The following ELP2 variants were observed in gnomAD, a reference collection of about 807,000 sequenced individuals.
ELP2 encodes elongator acetyltransferase complex subunit 2, also known as elongator complex protein 2.
In ELP2, 90 loss-of-function variants were observed where a neutral mutation model predicts 119.2. The ratio of observed to expected loss-of-function variants is 0.75; its 90% CI spans 0.64 to 0.90. The LOEUF (loss-of-function observed/expected upper bound fraction) is 0.90, where lower values mean the gene tolerates loss of function less well. Ranked by LOEUF, ELP2 falls within the 40% of genes least tolerant of loss-of-function variation. The pLI is 0.00. For missense variants in ELP2, 921 were observed against 967.8 expected (o/e 0.95, Z 0.64); for synonymous variants, 339 against 331.0 (o/e 1.02, Z -0.26).
intron 8 of ELP2, 115 bp downstream of exon 8, chr18:36,143,081 C>T: frequency 1.4e-6 from 1 of 735,520 alleles, no homozygotes; most frequent in Non-Finnish European, 2.2e-6. Flanking sequence ...CAGATTCCTA[C>T]CTGAAATTTC....
At chr18:36,168,254 T>G (rs1309019604) in intron 19 of ELP2, among the ~76,000 whole-genome samples, 3 of 152,220 alleles carry the variant, frequency 2.0e-5, no homozygotes, top group Admixed American at 1.3e-4. Flanking sequence ...TCTCAGACCC[T>G]CCCTTCTGTT....
At position 36,174,968 on chromosome 18, in the gene ELP2, C is replaced by T. The variant is rs888407469; in HGVS notation, c.*327C>T. ...TCGGCCTCCCAAAGTGCTGGGATTACAGGCGTGAGCCACTGCGCCCAGCCT... is the reference window on the plus strand; with the variant it reads ...TCGGCCTCCCAAAGTGCTGGGATTATAGGCGTGAGCCACTGCGCCCAGCCT... On this transcript the variant is annotated 3_prime_UTR_variant, in exon 22 of 22. Transcript: ENST00000358232. 1 of 321,286 alleles carries T rather than the reference C, an allele frequency of 3.1e-6. No individual in the cohort carries two copies. Among genetic ancestry groups the T allele is most frequent in the Non-Finnish European group, 6.0e-6 (1 of 167,260 alleles). The allele number at this position is 321,286 out of a possible 1,614,324, so 19.9% of individuals were successfully genotyped here.
At position 36,158,892 on chromosome 18, in the gene ELP2, G is replaced by A; in HGVS notation, c.1522G>A (p.Ala508Thr). ...CCCTGCATTGGGATTATCAAATAAA[G>A]CTGTCTTTCAGGGTAAGGCTTTTGT... ...TVPALGLSNK[A>T]VFQGDIASQP... Residue 508 changes from alanine to threonine, a missense_variant, in exon 14 of 22, where the codon GCT becomes ACT. By Grantham distance (58) the Ala-to-Thr change is moderately conservative. Transcript: ENST00000358232. 1 of 1,611,150 alleles carries A rather than the reference G, an allele frequency of 6.2e-7. No homozygotes were observed. The highest frequency in any genetic ancestry group is 8.5e-7 in the Non-Finnish European group (1 of 1,177,360).
chr18:36,165,656 C>T (rs939629082), intron 18 of ELP2, among the ~76,000 whole-genome samples: 3 of 152,074 alleles, frequency 2.0e-5, no homozygotes, highest in Non-Finnish European at 2.9e-5. Context: ...CCGAGGTGGG[C>T]GGATCACCTG....
chr18:36,136,222 T>G (rs1598738133), intron 2 of ELP2, 85 bp from the exon 3 acceptor site: 1 of 937,810 alleles, frequency 1.1e-6, no homozygotes, highest in Non-Finnish European at 1.8e-6. Flanking sequence ...GGTACAGGGG[T>G]ATTGTTTTTT....
intron 18 of ELP2, 90 bp downstream of exon 18, chr18:36,164,757 C>T: frequency 2.4e-6 from 3 of 1,267,690 alleles, no homozygotes; most frequent in Admixed American, 1.9e-5. Context: ...AGAAAGATAA[C>T]AGAGTGAAGG....
chr18:36,162,981 T>A (rs1481808766), intron 17 of ELP2, among the ~76,000 whole-genome samples: 1 of 152,198 alleles, frequency 6.6e-6, no homozygotes, highest in East Asian at 1.9e-4. Context: ...ATATTGTGTC[T>A]TGTTGAACTC....
rs754798447 is a variant in ELP2, at chr18:36,136,308, C to A, written c.219C>A (p.Ser73=). The change falls in exon 3 of 22, where the codon TCC becomes TCA. Residue 73 remains serine, a splice_region_variant and synonymous_variant. Coordinates refer to ENST00000358232, the MANE Select transcript of ELP2 (RefSeq NM_018255.4). ...CIQWICKQDG[S]PSTELVSGGS... is the part of the protein sequence containing the mutation. ...TTACTGAGATATAATTTTTTTCAGCCCCTTCTACTGAATTAGTTTCTGGAG... is the reference window on the plus strand; with the variant it reads ...TTACTGAGATATAATTTTTTTCAGCACCTTCTACTGAATTAGTTTCTGGAG... 3 of 1,608,472 alleles carry A rather than the reference C, an allele frequency of 1.9e-6. No homozygotes were observed. Among genetic ancestry groups the A allele is most frequent in the Non-Finnish European group, 2.6e-6 (3 of 1,175,306 alleles).
intron 2 of ELP2, among the ~76,000 whole-genome samples, chr18:36,135,081 A>G (rs1440503284): frequency 6.6e-6 from 1 of 152,208 alleles, no homozygotes. Flanking sequence ...ATAAAACATA[A>G]TTGCAATTAT....
In ELP2 at chr18:36,180,198, C is replaced by A. The variant is rs61738606; in HGVS notation, c.*5557C>A. On this transcript the variant is annotated 3_prime_UTR_variant, in exon 22 of 22. Coordinates refer to ENST00000358232, the MANE Select transcript of ELP2 (RefSeq NM_018255.4). ...GCCATGGTCTTTGCGTTCCAGCCAG[C>A]AAAGAGGAAGAAGGCATGAAGAAAG... 0.069 allele frequency: 10,462 copies of A among 152,236 alleles called. 428 individuals are homozygous for A. Among genetic ancestry groups the A allele is most frequent in the Non-Finnish European group, 0.095 (6,441 of 68,018 alleles). 9.4% of individuals were successfully genotyped at this position (152,236 alleles called of 1,614,324 possible).
At chr18:36,136,914 G>T (rs1048185329) in intron 3 of ELP2, among the ~76,000 whole-genome samples, 12 of 151,918 alleles carry the variant, frequency 7.9e-5, no homozygotes, top group African/African-American at 2.7e-4. Context: ...CTTCTGTCAT[G>T]TTATGTTTTT....
intron 11 of ELP2, among the ~76,000 whole-genome samples, chr18:36,152,687 C>G (rs1404473476): frequency 6.6e-6 from 1 of 152,220 alleles, no homozygotes; most frequent in Non-Finnish European, 1.5e-5. Context: ...GCCGTTCCCT[C>G]AGGAATAATC....
In ELP2 at chr18:36,178,418, G is replaced by T. The variant is rs1413434026; in HGVS notation, c.*3777G>T. The T allele has an allele frequency of 6.6e-6, 1 of 152,246 alleles. No individual in the cohort carries two copies. Among genetic ancestry groups the T allele is most frequent in the Non-Finnish European group, 1.5e-5 (1 of 68,082 alleles). 9.4% of individuals were successfully genotyped at this position (152,246 alleles called of 1,614,324 possible). ...TACATTACAAGAGGAAAAGGGAAGG[G>T]AAGGGAAGCCTGGAGATTGAAAGAT... On this transcript the variant is annotated 3_prime_UTR_variant, in exon 22 of 22. Transcript: ENST00000358232.
In ELP2 at chr18:36,138,441, A is replaced by G. The variant is rs748995997; in HGVS notation, c.445+15A>G. 2.5e-6 allele frequency: 4 copies of G among 1,613,174 alleles called. No individual in the cohort carries two copies. Among genetic ancestry groups the G allele is most frequent in the Non-Finnish European group, 2.5e-6 (3 of 1,179,356 alleles). Reference sequence around the variant, plus strand: ...GGGTCCAGAAGGTAGGTTTGGAGACATGATAATCCAGACAAATGAAATAAT... The same window carrying G: ...GGGTCCAGAAGGTAGGTTTGGAGACGTGATAATCCAGACAAATGAAATAAT... On this transcript the variant is annotated intron_variant, in intron 4 of 21. Coordinates refer to ENST00000358232, the MANE Select transcript of ELP2 (RefSeq NM_018255.4).
chr18:36,168,913 C>CTTTTTT (rs61459855), intron 19 of ELP2, among the ~76,000 whole-genome samples: 10 of 69,278 alleles, frequency 1.4e-4, no homozygotes, highest in African/African-American at 4.9e-4. Context: ...CTCTCCATTT[C>CTTTTTT]TTTTTTTTTT....
At chr18:36,153,799 G>A (rs1397073096) in intron 11 of ELP2, among the ~76,000 whole-genome samples, 1 of 151,654 alleles carries the variant, frequency 6.6e-6, no homozygotes, top group Non-Finnish European at 1.5e-5. Flanking sequence ...TTATAGAGCA[G>A]TTTTAGGTTA....
At chr18:36,171,205 G>T in intron 21 of ELP2, 45 bp downstream of exon 21, 1 of 1,459,592 alleles carries the variant, frequency 6.9e-7, no homozygotes, top group South Asian at 1.2e-5. Flanking sequence ...ACTAGAAATT[G>T]TGGGGTCTTT....
intron 3 of ELP2, chr18:36,136,631 C>CT (rs1555635307): frequency 9.4e-6 from 4 of 425,980 alleles, no homozygotes; most frequent in Non-Finnish European, 1.7e-5. Flanking sequence ...TTTATATATA[C>CT]TTTTATTTTA....
Position 36,174,674 on chromosome 18 carries a change from G to A in ELP2, c.*33G>A. The A allele has an allele frequency of 6.2e-7, 1 of 1,603,774 alleles. No homozygotes were observed. The highest frequency in any genetic ancestry group is 8.5e-7 in the Non-Finnish European group (1 of 1,171,468). On this transcript the variant is annotated 3_prime_UTR_variant, in exon 22 of 22. Transcript: ENST00000358232. ...AATAACTACATGCTTGCAGTCACTG[G>A]TATCTTAAAATATTATCATGTAAAC...
Sources: allele counts gnomAD v4.1 joint callset (sites outside exome capture counted in the v4.1 genomes callset), GRCh38; gene constraint gnomAD v4.1.1; transcripts MANE v1.5; gene names NCBI Gene and HGNC (gene_info 2026-07-23, HGNC 2026-07-21).